Variants in KCNAB2 observed in about 807,000 individuals in gnomAD.
The protein encoded by KCNAB2 is voltage-gated potassium channel subunit beta-2.
A neutral mutation model predicts 63.6 loss-of-function variants in KCNAB2; 29 were observed. The observed-to-expected ratio is 0.46, with a 90% CI of 0.34 to 0.62. KCNAB2 has a LOEUF of 0.62. Among genes scored for constraint, KCNAB2 ranks in the 20% least tolerant of loss-of-function variants. The probability of loss-of-function intolerance (pLI) is 0.01; values close to 1 mark genes in which losing one functional copy is unlikely to be tolerated. For synonymous variants in KCNAB2, 222 were observed against 224.2 expected (o/e 0.99, Z 0.09); for missense variants, 359 against 563.9 (o/e 0.64, Z 3.68).
chr1:6,022,925 C>T (rs917514225), intron 1 of KCNAB2, among the ~76,000 whole-genome samples: 9 of 146,386 alleles, frequency 6.1e-5, no homozygotes, highest in Non-Finnish European at 1.3e-4. Flanking sequence ...CGCTGTCACC[C>T]AGGCTGGAGG....
Position 6,095,401 on chromosome 1 carries a change from G to C in KCNAB2, c.811G>C (p.Glu271Gln). 1.2e-6 allele frequency: 2 copies of C among 1,613,086 alleles called. No individual in the cohort carries two copies. The highest frequency in any genetic ancestry group is 1.7e-6 in the Non-Finnish European group (2 of 1,180,040). The change falls in exon 12 of 16, where the codon GAG becomes CAG. Residue 271 changes from glutamate to glutamine, a missense_variant. Glu to Gln is a conservative substitution (Grantham distance 29). Transcript: ENST00000378083. ...GGCTGAGTACCACATGTTCCAGCGT[G>C]AGAAAGTGGAGGTGCAGCTGCCGGA... ...EQAEYHMFQR[E>Q]KVEVQLPELF...
upstream of KCNAB2, among the ~76,000 whole-genome samples, chr1:6,042,856 T>G (rs1403390026): frequency 2.1e-4 from 1 of 4,658 alleles, no homozygotes; most frequent in African/African-American, 1.2e-3. Context: ...CCCCCCCCCG[T>G]TTGCCAGCCA....
intron 15 of KCNAB2, 75 bp downstream of exon 15, chr1:6,097,432 G>A (rs763348724): frequency 1.6e-5 from 24 of 1,545,478 alleles, no homozygotes; most frequent in East Asian, 1.2e-4. Flanking sequence ...TCCCAGGCTC[G>A]TCCTGCGTGC....
intron 1 of KCNAB2, among the ~76,000 whole-genome samples, chr1:6,016,100 G>A (rs149626618): frequency 6.2e-4 from 95 of 152,290 alleles, no homozygotes; most frequent in African/African-American, 2.2e-3. Context: ...TTAGTCACTC[G>A]ATGGGCCTCA....
At chr1:6,084,259 G>A (rs1241114222) in intron 5 of KCNAB2, among the ~76,000 whole-genome samples, 2 of 152,192 alleles carry the variant, frequency 1.3e-5, no homozygotes, top group East Asian at 1.9e-4. Flanking sequence ...AGGCTGGGAC[G>A]GCCGCCCATG....
Position 5,994,239 on chromosome 1 carries a change from A to T in KCNAB2, c.-53+1451A>T, listed in dbSNP as rs1656786158. Among the ~76,000 whole-genome samples, 1 of 152,128 alleles carries T rather than the reference A, an allele frequency of 6.6e-6. No homozygotes were observed. The highest frequency in any genetic ancestry group is 6.5e-5 in the Admixed American group (1 of 15,278). On this transcript the variant is annotated intron_variant, in intron 1 of 16. Coordinates refer to the KCNAB2 transcript ENST00000341524. This position sits in a 1 kb window ranked among gnomAD's most constrained non-coding sequence, Gnocchi z 5.4. ...AGAGTAAGCTCCTGCTCTGCTAAGG[A>T]AGCCGCATTCAGGCCCCGCGTTGCA... is the stretch of plus-strand genomic sequence containing the variant.
chr1:6,070,014 G>T (rs888454553), intron 2 of KCNAB2, among the ~76,000 whole-genome samples: 2 of 152,168 alleles, frequency 1.3e-5, no homozygotes, highest in East Asian at 1.9e-4. Context: ...TGACCAAGGG[G>T]TGCCTCTTCT....
intron 1 of KCNAB2, among the ~76,000 whole-genome samples, chr1:6,004,698 A>G (rs1657453659): frequency 6.6e-6 from 1 of 151,820 alleles, no homozygotes; most frequent in African/African-American, 2.4e-5. Context: ...TCATCGCAGG[A>G]TTTCCACCTT....
At chr1:6,097,741 G>A in intron 15 of KCNAB2, 1 of 452,802 alleles carries the variant, frequency 2.2e-6, no homozygotes, top group Non-Finnish European at 3.9e-6. Context: ...AATGCCTGCG[G>A]GAAGAACCTT....
intron 5 of KCNAB2, among the ~76,000 whole-genome samples, chr1:6,083,960 C>T (rs1399399929): frequency 6.6e-6 from 1 of 152,254 alleles, no homozygotes; most frequent in Non-Finnish European, 1.5e-5. Flanking sequence ...GCTTTTCTCT[C>T]TTCCTCCTCC....
chr1:6,087,565 G>C lies in KCNAB2; in HGVS notation c.470+54G>C, dbSNP rs1224757149. 6.3e-7 allele frequency: 1 copy of C among 1,585,946 alleles called. No individual in the cohort carries two copies. Among genetic ancestry groups the C allele is most frequent in the Admixed American group, 1.7e-5 (1 of 59,912 alleles). On this transcript the variant is annotated intron_variant, in intron 7 of 15. Coordinates refer to ENST00000378083, the MANE Select transcript of KCNAB2 (RefSeq NM_001199862.2). This position sits in a 1 kb window ranked among gnomAD's most constrained non-coding sequence, Gnocchi z 6.4. ...GCCCCGGCCCAGCAGCCACGGCCCC[G>C]TGCTCCCCAGAGACCCCTGACCTAG... is the stretch of plus-strand genomic sequence containing the variant.
Position 6,094,505 on chromosome 1 carries a change from T to C in KCNAB2, c.732+20T>C. On this transcript the variant is annotated intron_variant, in intron 11 of 15. Transcript: ENST00000378083. The stretch of plus-strand genomic sequence containing the variant: ...ATCATGGTACGGTGGCCGCGCAGCA[T>C]GTGTGTGTCCAGGCACAGACTCCCG... 1 of 1,593,762 alleles carries C rather than the reference T, an allele frequency of 6.3e-7. No homozygotes were observed. The highest frequency in any genetic ancestry group is 8.6e-7 in the Non-Finnish European group (1 of 1,168,668).
intron 1 of KCNAB2, among the ~76,000 whole-genome samples, chr1:6,027,994 G>A (rs1334034810): frequency 2.6e-5 from 4 of 152,188 alleles, no homozygotes; most frequent in African/African-American, 7.2e-5. Flanking sequence ...TGGAGCTGTC[G>A]GGGAACTGGG....
chr1:6,045,814 C>A, upstream of KCNAB2: 1 of 765,094 alleles, frequency 1.3e-6, no homozygotes, highest in Non-Finnish European at 1.6e-6. The surrounding 1 kb of genome is among the most constrained non-coding windows in gnomAD (Gnocchi z 4.8). Context: ...ATGGTGGAGG[C>A]AGCAAGGGTA....
intron 1 of KCNAB2, among the ~76,000 whole-genome samples, chr1:6,025,151 C>A (rs556727089): frequency 2.0e-5 from 3 of 152,284 alleles, no homozygotes; most frequent in African/African-American, 4.8e-5. Context: ...CCTTCCTTTT[C>A]CTCTTTCTAC....
Position 6,099,930 on chromosome 1 carries a change from C to T in KCNAB2, c.*1356C>T, listed in dbSNP as rs1179545956. 5 of 1,550,304 alleles carry T rather than the reference C, an allele frequency of 3.2e-6. No individual in the cohort carries two copies. In the Admixed American group the frequency reaches 9.8e-5, roughly 30 times the overall value. ...GCAGGTGCGGGGTGCCACCTACAGG[C>T]CCAGGCCTGTGTCCCAAGCAGTACC... On this transcript the variant is annotated 3_prime_UTR_variant, in exon 16 of 16. Coordinates refer to ENST00000378083, the MANE Select transcript of KCNAB2 (RefSeq NM_001199862.2).
At position 6,090,491 on chromosome 1, in the gene KCNAB2, C is replaced by G. The variant is rs370312605; in HGVS notation, c.601+16C>G. 1.2e-6 allele frequency: 2 copies of G among 1,600,276 alleles called. No homozygotes were observed. On this transcript the variant is annotated intron_variant, in intron 9 of 15. Transcript: ENST00000378083. ...CCGATGGAAGGTAGGTGGTCTGCGGCGGCGCCACCGGTTAGGCCTGGGCGG... is the reference window on the plus strand; with the variant it reads ...CCGATGGAAGGTAGGTGGTCTGCGGGGGCGCCACCGGTTAGGCCTGGGCGG...
rs1019651155 is a variant in KCNAB2, at chr1:6,069,386, T to C, written c.219-3369T>C. Among the ~76,000 whole-genome samples the C allele has an allele frequency of 6.6e-6, 1 of 152,052 alleles. No homozygotes were observed. The highest frequency in any genetic ancestry group is 6.5e-5 in the Admixed American group (1 of 15,276). On this transcript the variant is annotated intron_variant, in intron 2 of 15. Coordinates refer to ENST00000378083, the MANE Select transcript of KCNAB2 (RefSeq NM_001199862.2). The surrounding 1 kb of genome is among the most constrained non-coding windows in gnomAD (Gnocchi z 5.4). ...CCTTCCAGCTCCGGCCCTTCCCAAG[T>C]CTGAAGTGCAGTTTTTAGGGGTGTG... is the stretch of plus-strand genomic sequence containing the variant.
rs1263975599 is a variant in KCNAB2, at chr1:6,078,516, A to C, written c.301-3679A>C. On this transcript the variant is annotated intron_variant, in intron 4 of 15. Coordinates refer to ENST00000378083, the MANE Select transcript of KCNAB2 (RefSeq NM_001199862.2). The surrounding 1 kb of genome is among the most constrained non-coding windows in gnomAD (Gnocchi z 4.2). Reference sequence around the variant, plus strand: ...AAGGACGCCACGTGGTGGTCCAGAGAAAGAGCCTTCGGGGGCCAAGGGGAC... The same window carrying C: ...AAGGACGCCACGTGGTGGTCCAGAGCAAGAGCCTTCGGGGGCCAAGGGGAC... 6.6e-6 allele frequency among the ~76,000 whole-genome samples: 1 copy of C among 152,114 alleles called. No individual in the cohort carries two copies. Among genetic ancestry groups the C allele is most frequent in the African/African-American group, 2.4e-5 (1 of 41,416 alleles).
Sources: allele counts gnomAD v4.1 joint callset (sites outside exome capture counted in the v4.1 genomes callset), GRCh38; gene constraint gnomAD v4.1.1; non-coding constraint Gnocchi (gnomAD v3.1); transcripts MANE v1.5; gene names NCBI Gene and HGNC (gene_info 2026-07-23, HGNC 2026-07-21).